NRDE2: variants seen among roughly 807,000 people sequenced by gnomAD.
NRDE2 encodes NRDE-2, necessary for RNA interference, domain containing.
In NRDE2, 76 loss-of-function variants were observed where a neutral mutation model predicts 124.2. That is an observed-to-expected ratio of 0.61 (90% CI 0.51 to 0.74). The LOEUF (loss-of-function observed/expected upper bound fraction) is 0.74, where lower values mean the gene tolerates loss of function less well. Among genes scored for constraint, NRDE2 ranks in the 30% least tolerant of loss-of-function variants. NRDE2 has a pLI of 0.00. For synonymous variants in NRDE2, 489 were observed against 528.1 expected (o/e 0.93, Z 1.01); for missense variants, 1,314 against 1,417.3 (o/e 0.93, Z 1.17).
intron 13 of NRDE2, 191 bp from the exon 14 acceptor site, chr14:90,278,652 A>C (rs748054584): frequency 1.6e-6 from 1 of 628,666 alleles, no homozygotes. Context: ...CTGAACTCGC[A>C]AAAGTGAGCA....
chr14:90,275,405 A>G lies in NRDE2; in HGVS notation c.*2931T>C, dbSNP rs1891782530. On this transcript the variant is annotated 3_prime_UTR_variant, in exon 14 of 14. Coordinates refer to ENST00000354366, the MANE Select transcript of NRDE2 (RefSeq NM_017970.4). The stretch of plus-strand genomic sequence containing the variant: ...GCACTTGCATCTTTTCCTAAGTTTG[A>G]GATTAAAAAAAACAAAAAACCCCAG... 6.6e-6 allele frequency: 1 copy of G among 152,098 alleles called. No individual in the cohort carries two copies. Among genetic ancestry groups the G allele is most frequent in the African/African-American group, 2.4e-5 (1 of 41,410 alleles). The allele number at this position is 152,098 out of a possible 1,614,324, so 9.4% of individuals were successfully genotyped here. A position where few individuals can be genotyped will look rare whatever the true frequency, so the allele number is the denominator to read the frequency against.
intron 7 of NRDE2, among the ~76,000 whole-genome samples, chr14:90,299,930 G>C (rs1317118381): frequency 6.6e-6 from 1 of 152,142 alleles, no homozygotes; most frequent in Non-Finnish European, 1.5e-5. Context: ...CGGTAACAAC[G>C]TCTCTCAGTT....
At chr14:90,316,037 T>C (rs1885034882) in intron 3 of NRDE2, among the ~76,000 whole-genome samples, 1 of 150,752 alleles carries the variant, frequency 6.6e-6, no homozygotes, top group Non-Finnish European at 1.5e-5. Context: ...GGAAACACTG[T>C]AATCATGAGC....
chr14:90,301,575 T>C (rs1018699096), intron 6 of NRDE2, among the ~76,000 whole-genome samples: 2 of 152,224 alleles, frequency 1.3e-5, no homozygotes, highest in African/African-American at 2.4e-5. Flanking sequence ...AATTTTTGTA[T>C]GAAAGCATCA....
chr14:90,293,425 T>C (rs1354636312), intron 8 of NRDE2, among the ~76,000 whole-genome samples: 1 of 151,964 alleles, frequency 6.6e-6, no homozygotes, highest in Non-Finnish European at 1.5e-5. Flanking sequence ...TAATTTTTTG[T>C]ATTTGGTAGA....
chr14:90,282,487 A>C (rs1033596812), intron 12 of NRDE2, among the ~76,000 whole-genome samples: 2 of 151,944 alleles, frequency 1.3e-5, no homozygotes, highest in African/African-American at 4.8e-5. Context: ...CAAAAAAAAA[A>C]AACAAAAAAA....
intron 10 of NRDE2, among the ~76,000 whole-genome samples, chr14:90,289,610 T>TG (rs1441499385): frequency 6.6e-6 from 1 of 152,232 alleles, no homozygotes; most frequent in Non-Finnish European, 1.5e-5. Flanking sequence ...ATTTTTGAGA[T>TG]GGAGTCTCAC....
chr14:90,302,945 C>T lies in NRDE2; in HGVS notation c.1186G>A (p.Glu396Lys). The T allele has an allele frequency of 6.2e-7, 1 of 1,614,030 alleles. No homozygotes were observed. Among genetic ancestry groups the T allele is most frequent in the Non-Finnish European group, 8.5e-7 (1 of 1,180,022 alleles). ...AKLKLCTEFW[E>K]PSTLVKEWQK... is the part of the protein sequence containing the mutation. ...CACTCTTTGACCAGAGTGGAGGGCT[C>T]CCAGAACTCTGTGCAGAGCTTCAGC... The change falls in exon 6 of 14, where the codon GAG becomes AAG. Residue 396 changes from glutamate to lysine, a missense_variant. By Grantham distance (56) the Glu-to-Lys change is moderately conservative. Transcript: ENST00000354366.
At position 90,278,120 on chromosome 14, in the gene NRDE2, C is replaced by T. The variant is rs1000214501; in HGVS notation, c.*216G>A. 7.6e-6 allele frequency: 4 copies of T among 525,858 alleles called. No individual in the cohort carries two copies. Among genetic ancestry groups the T allele is most frequent in the African/African-American group, 1.9e-5 (1 of 52,084 alleles). 32.6% of individuals were successfully genotyped at this position (525,858 alleles called of 1,614,324 possible). A position where few individuals can be genotyped will look rare whatever the true frequency, so the allele number is the denominator to read the frequency against. On this transcript the variant is annotated 3_prime_UTR_variant, in exon 14 of 14. Coordinates refer to ENST00000354366, the MANE Select transcript of NRDE2 (RefSeq NM_017970.4). ...CTCTCTGGCTATGTACATATATACACATATTCACATATATAATATGTAAAT... is the reference window on the plus strand; with the variant it reads ...CTCTCTGGCTATGTACATATATACATATATTCACATATATAATATGTAAAT...
intron 12 of NRDE2, among the ~76,000 whole-genome samples, chr14:90,282,622 C>A (rs1891985283): frequency 6.6e-6 from 1 of 151,922 alleles, no homozygotes; most frequent in African/African-American, 2.4e-5. Context: ...TGTCCAATTC[C>A]TTTCCCTCCC....
intron 1 of NRDE2, among the ~76,000 whole-genome samples, chr14:90,324,439 G>C (rs1056139330): frequency 6.6e-6 from 1 of 152,122 alleles, no homozygotes; most frequent in African/African-American, 2.4e-5. Context: ...ACTTTGGGAG[G>C]CCGAGGTGGG....
At position 90,286,499 on chromosome 14, in the gene NRDE2, G is replaced by A; in HGVS notation, c.3159-7C>T. The A allele has an allele frequency of 6.2e-7, 1 of 1,607,878 alleles. No homozygotes were observed. The highest frequency in any genetic ancestry group is 1.1e-5 in the South Asian group (1 of 90,520). ...GATCTCTCTACCGTCTAACCTGCAA[G>A]GCAAAGGCTCACGTGACTCTGACAC... On this transcript the variant is annotated splice_region_variant and splice_polypyrimidine_tract_variant and intron_variant, in intron 11 of 13. Transcript: ENST00000354366.
chr14:90,297,845 G>T (rs1040926626), intron 8 of NRDE2, among the ~76,000 whole-genome samples: 1 of 151,424 alleles, frequency 6.6e-6, no homozygotes, highest in South Asian at 2.1e-4. Flanking sequence ...GGAGCCTGAC[G>T]CATGAGAATT....
chr14:90,322,873 C>A (rs998771240), intron 1 of NRDE2, among the ~76,000 whole-genome samples: 1 of 152,204 alleles, frequency 6.6e-6, no homozygotes, highest in Admixed American at 6.5e-5. Context: ...AATTTACATA[C>A]TTGATAGATA....
intron 7 of NRDE2, among the ~76,000 whole-genome samples, chr14:90,299,069 G>C (rs1884290974): frequency 1.1e-5 from 1 of 91,414 alleles, no homozygotes; most frequent in Admixed American, 1.1e-4. Flanking sequence ...TTTTGAGACA[G>C]AGTCTCGCTC....
At chr14:90,316,420 C>T (rs1338606431) in intron 3 of NRDE2, among the ~76,000 whole-genome samples, 158 bp downstream of exon 3, 1 of 152,200 alleles carries the variant, frequency 6.6e-6, no homozygotes, top group Admixed American at 6.5e-5. Flanking sequence ...AATCGTGTCC[C>T]TAATTTTTCT....
intron 11 of NRDE2, among the ~76,000 whole-genome samples, chr14:90,287,720 A>G (rs1595057632): frequency 6.6e-6 from 1 of 152,294 alleles, no homozygotes; most frequent in East Asian, 1.9e-4. Context: ...CAGTCATTAC[A>G]CACTTTGTAC....
rs567590819 is a variant in NRDE2 at position 90,271,986 on chromosome 14, G to A, written c.*6350C>T. The stretch of plus-strand genomic sequence containing the variant: ...CGGCTCACTGTAACCTCTGCCTCCC[G>A]GGTTCAAGCAATTCTCCTGCCTCAG... On this transcript the variant is annotated 3_prime_UTR_variant, in exon 14 of 14. Transcript: ENST00000354366. 17 of 245,560 alleles carry A rather than the reference G, an allele frequency of 6.9e-5. No individual in the cohort carries two copies. Among genetic ancestry groups the A allele is most frequent in the Non-Finnish European group, 1.1e-4 (13 of 123,770 alleles). The allele number at this position is 245,560 out of a possible 1,614,324, so 15.2% of individuals were successfully genotyped here.
At chr14:90,309,967 C>T (rs1884766983) in intron 4 of NRDE2, among the ~76,000 whole-genome samples, 1 of 152,198 alleles carries the variant, frequency 6.6e-6, no homozygotes, top group South Asian at 2.1e-4. Flanking sequence ...TTAGCAGAAG[C>T]TCAAGAGCCA....
Sources: allele counts gnomAD v4.1 joint callset (sites outside exome capture counted in the v4.1 genomes callset), GRCh38; gene constraint gnomAD v4.1.1; transcripts MANE v1.5; gene names NCBI Gene and HGNC (gene_info 2026-07-23, HGNC 2026-07-21).